BICDL1: variants seen among roughly 807,000 people sequenced by gnomAD.
BICDL1 encodes the protein BICD family like cargo adaptor 1, also known as BICD family-like cargo adapter 1.
In BICDL1, 20 loss-of-function variants were observed where a neutral mutation model predicts 76.8. The observed-to-expected ratio is 0.26, with a 90% CI of 0.18 to 0.38. BICDL1 has a LOEUF of 0.38. Ranked by LOEUF, BICDL1 falls within the 10% of genes least tolerant of loss-of-function variation. The probability of loss-of-function intolerance (pLI) is 1.00; values close to 1 mark genes in which losing one functional copy is unlikely to be tolerated. For missense variants in BICDL1, 700 were observed against 798.6 expected, an observed-to-expected ratio of 0.88 and a Z score of 1.49; for synonymous variants, 383 against 337.1, an observed-to-expected ratio of 1.14 and a Z score of -1.49.
intron 2 of BICDL1, among the ~76,000 whole-genome samples, chr12:120,003,158 TAA>T (rs747568511): frequency 0.15 from 21,145 of 136,544 alleles, 1,893 homozygotes; most frequent in East Asian, 0.41. Context: ...ACCCCATCTT[TAA>T]AAAAAAAAAA....
At chr12:120,087,774 T>C (rs1874550525) in intron 8 of BICDL1, among the ~76,000 whole-genome samples, 1 of 152,228 alleles carries the variant, frequency 6.6e-6, no homozygotes, top group African/African-American at 2.4e-5. Context: ...ACAGCCGTGA[T>C]TTAGGAATGT....
chr12:119,998,292 CTT>C (rs1344723033), intron 1 of BICDL1, among the ~76,000 whole-genome samples: 3 of 152,124 alleles, frequency 2.0e-5, no homozygotes, highest in African/African-American at 2.4e-5. Flanking sequence ...AACATAATAA[CTT>C]TAAGTATTTT....
At chr12:120,091,468 G>GT (rs1874961380) in intron 9 of BICDL1, 1 of 999,002 alleles carries the variant, frequency 1.0e-6, no homozygotes, top group Non-Finnish European at 1.2e-6. Context: ...TGAGCACGTC[G>GT]TAAGTGCAGG....
At chr12:119,994,054 C>T (rs1054091390) in intron 1 of BICDL1, among the ~76,000 whole-genome samples, 2 of 152,210 alleles carry the variant, frequency 1.3e-5, no homozygotes, top group African/African-American at 2.4e-5. Flanking sequence ...TGTATTTATA[C>T]ACCTTTTTTC....
intron 2 of BICDL1, among the ~76,000 whole-genome samples, chr12:120,055,567 G>T (rs961320975): frequency 6.6e-6 from 1 of 152,182 alleles, no homozygotes; most frequent in African/African-American, 2.4e-5. Context: ...ATTATAAAAA[G>T]AGTTTATTTC....
At chr12:120,024,518 T>C (rs2138727175) in intron 2 of BICDL1, among the ~76,000 whole-genome samples, 1 of 152,092 alleles carries the variant, frequency 6.6e-6, no homozygotes, top group Middle Eastern at 3.4e-3. Flanking sequence ...TGGCTGAAAA[T>C]TTTCCAAAGA....
chr12:120,063,271 A>G lies in BICDL1; in HGVS notation c.762+1445A>G, dbSNP rs559209864. Among the ~76,000 whole-genome samples, 8 of 152,354 alleles carry G rather than the reference A, an allele frequency of 5.3e-5. No individual in the cohort carries two copies. In the East Asian group the frequency reaches 1.5e-3, roughly 29 times the overall value. On this transcript the variant is annotated intron_variant, in intron 3 of 9. Transcript: ENST00000548673. ...GTCTTCACATGGGTAACTTTGCTTCAGTGTAGGAAATAGTGGACCCATTCA... is the reference window on the plus strand; with the variant it reads ...GTCTTCACATGGGTAACTTTGCTTCGGTGTAGGAAATAGTGGACCCATTCA...
intron 2 of BICDL1, among the ~76,000 whole-genome samples, chr12:120,008,150 CTTTTTTTTTTTTTTT>C (rs71072590): frequency 9.7e-5 from 6 of 61,730 alleles, no homozygotes; most frequent in Middle Eastern, 0.045. Flanking sequence ...ATTACTCTTT[CTTTTTTTTTTTTTTT>C]TTTTTTTTTT....
chr12:120,083,138 C>T (rs1283128707), intron 8 of BICDL1, among the ~76,000 whole-genome samples: 1 of 152,212 alleles, frequency 6.6e-6, no homozygotes, highest in Non-Finnish European at 1.5e-5. Flanking sequence ...GTTAGGATTA[C>T]AGGCATGAGC....
chr12:120,000,930 G>T (rs1252694553), intron 2 of BICDL1, among the ~76,000 whole-genome samples: 2 of 152,200 alleles, frequency 1.3e-5, no homozygotes, highest in African/African-American at 2.4e-5. Context: ...TACTAAAGCA[G>T]TGTCTTTATA....
intron 2 of BICDL1, among the ~76,000 whole-genome samples, chr12:120,025,119 A>T (rs76405759): frequency 6.9e-6 from 1 of 145,528 alleles, no homozygotes; most frequent in Non-Finnish European, 1.5e-5. Flanking sequence ...GCGCGATCTC[A>T]GCTCACTGCA....
At position 120,004,813 on chromosome 12, in the gene BICDL1, A is replaced by G. The variant is rs530328106; in HGVS notation, c.645+6077A>G. ...TGCCTCTATCCTAAGTTTAAGTTTTATAGATTTGTTTGTTTGTTTGTTTCT... is the reference window on the plus strand; with the variant it reads ...TGCCTCTATCCTAAGTTTAAGTTTTGTAGATTTGTTTGTTTGTTTGTTTCT... On this transcript the variant is annotated intron_variant, in intron 2 of 9. Coordinates refer to ENST00000548673, the MANE Select transcript of BICDL1 (RefSeq NM_001367886.1). Among the ~76,000 whole-genome samples the G allele has an allele frequency of 2.2e-4, 34 of 152,126 alleles. No individual in the cohort carries two copies. The South Asian group carries it at 5.2e-3, about 23-fold the overall frequency.
Position 120,081,349 on chromosome 12 carries a change from CT to C in BICDL1, c.1583+351del, listed in dbSNP as rs1184204926. On this transcript the variant is annotated intron_variant, in intron 8 of 9. Transcript: ENST00000548673. ...TGCACTTGTATCTTAAAGAGCTTTC[CT>C]TTTTTTTTTTTTTTTTTTGAGACGG... Among the ~76,000 whole-genome samples, 641 of 116,964 alleles carry C rather than the reference CT, an allele frequency of 5.5e-3. 2 individuals carry two copies. Among genetic ancestry groups the C allele is most frequent in the African/African-American group, 0.018 (531 of 28,850 alleles). 76.7% of individuals were successfully genotyped at this position (116,964 alleles called of 152,430 possible).
chr12:120,066,566 C>T (rs1953226542), intron 4 of BICDL1, among the ~76,000 whole-genome samples: 2 of 152,176 alleles, frequency 1.3e-5, no homozygotes, highest in South Asian at 4.1e-4. Flanking sequence ...ACTTGCTCAC[C>T]ATGTGCACAT....
At chr12:119,993,915 C>G (rs1951581266) in intron 1 of BICDL1, among the ~76,000 whole-genome samples, 1 of 152,186 alleles carries the variant, frequency 6.6e-6, no homozygotes, top group African/African-American at 2.4e-5. Context: ...TGCACCCAGC[C>G]CAGATGCTTA....
chr12:120,064,702 A>G, intron 3 of BICDL1, 31 bp from the exon 4 acceptor site: 1 of 1,579,442 alleles, frequency 6.3e-7, no homozygotes, highest in Non-Finnish European at 8.6e-7. Context: ...GTGTAACTCC[A>G]CACCACCCCT....
At chr12:120,002,161 C>CA (rs1951772073) in intron 2 of BICDL1, among the ~76,000 whole-genome samples, 1 of 152,218 alleles carries the variant, frequency 6.6e-6, no homozygotes, top group Admixed American at 6.5e-5. Flanking sequence ...CCATAGCAGT[C>CA]ACTCATTTCT....
chr12:120,038,789 C>T (rs1443425250), intron 2 of BICDL1, among the ~76,000 whole-genome samples: 1 of 152,042 alleles, frequency 6.6e-6, no homozygotes, highest in African/African-American at 2.4e-5. Flanking sequence ...AGTTCAGTTT[C>T]CTCATCTAAA....
chr12:120,051,996 A>G (rs1295129409), intron 2 of BICDL1, among the ~76,000 whole-genome samples: 1 of 152,008 alleles, frequency 6.6e-6, no homozygotes, highest in East Asian at 1.9e-4. Context: ...GCTGGAGTGC[A>G]GTGGCATGAT....
Sources: allele counts gnomAD v4.1 joint callset (sites outside exome capture counted in the v4.1 genomes callset), GRCh38; gene constraint gnomAD v4.1.1; transcripts MANE v1.5; gene names NCBI Gene and HGNC (gene_info 2026-07-23, HGNC 2026-07-21).